The following UNC5C variants were observed in gnomAD, a reference collection of about 807,000 sequenced individuals.
The protein encoded by UNC5C is unc-5 netrin receptor C.
In UNC5C, 47 loss-of-function variants were observed where a neutral mutation model predicts 99.8. The observed-to-expected ratio is 0.47, with a 90% CI of 0.37 to 0.60. UNC5C has a LOEUF of 0.60. UNC5C is among the 20% of genes least tolerant of loss of function. The probability of loss-of-function intolerance (pLI) is 0.00; values close to 1 mark genes in which losing one functional copy is unlikely to be tolerated. For missense variants in UNC5C, 1,062 were observed against 1,165.9 expected (o/e 0.91, Z 1.30); for synonymous variants, 487 against 452.2 (o/e 1.08, Z -0.98).
intron 1 of UNC5C, among the ~76,000 whole-genome samples, chr4:95,492,985 C>T (rs1213504224): frequency 6.6e-6 from 1 of 151,450 alleles, no homozygotes; most frequent in South Asian, 2.1e-4. Flanking sequence ...ATTCAGACTA[C>T]CCTTTTAAAC....
chr4:95,544,503 T>C (rs1422282942), intron 1 of UNC5C, among the ~76,000 whole-genome samples: 1 of 152,220 alleles, frequency 6.6e-6, no homozygotes, highest in Non-Finnish European at 1.5e-5. Context: ...ATCCAGAAAG[T>C]ACTATACCTG....
chr4:95,272,481 TGTG>T (rs1740697693), intron 4 of UNC5C, among the ~76,000 whole-genome samples: 1 of 152,222 alleles, frequency 6.6e-6, no homozygotes, highest in African/African-American at 2.4e-5. Context: ...TTTCTGGGCT[TGTG>T]GTGATCTCTG....
chr4:95,353,869 CTATTT>C (rs1228334494), intron 1 of UNC5C, among the ~76,000 whole-genome samples: 9 of 151,988 alleles, frequency 5.9e-5, no homozygotes, highest in Non-Finnish European at 7.4e-5. Context: ...AATTAAAAAA[CTATTT>C]TAGTGACTAT....
intron 2 of UNC5C, among the ~76,000 whole-genome samples, chr4:95,303,128 G>T (rs1318482956): frequency 6.6e-6 from 1 of 152,174 alleles, no homozygotes; most frequent in Admixed American, 6.5e-5. Flanking sequence ...AGTGGCATGA[G>T]ATGAAGCTAG....
chr4:95,198,919 T>TAAC (rs1362201664), intron 12 of UNC5C, among the ~76,000 whole-genome samples: 1 of 152,164 alleles, frequency 6.6e-6, no homozygotes, highest in East Asian at 1.9e-4. Flanking sequence ...TAATAGCTCT[T>TAAC]AACTTTGGTG....
chr4:95,521,472 C>A lies in UNC5C; in HGVS notation c.124+27262G>T, dbSNP rs188579543. Among the ~76,000 whole-genome samples the A allele has an allele frequency of 6.4e-3, 974 of 152,136 alleles. 11 individuals are homozygous for A. The highest frequency in any genetic ancestry group is 0.022 in the African/African-American group (908 of 41,512). On this transcript the variant is annotated intron_variant, in intron 1 of 15. Coordinates refer to ENST00000453304, the MANE Select transcript of UNC5C (RefSeq NM_003728.4). ...ACCTCAGGTGATCCACCTGGCTCGG[C>A]CTCCCAAAGTGCTGGGATTACAGGC...
At position 95,278,242 on chromosome 4, in the gene UNC5C, G is replaced by A. The variant is rs753892411; in HGVS notation, c.594+17C>T. The A allele has an allele frequency of 6.2e-7, 1 of 1,602,208 alleles. No homozygotes were observed. Among genetic ancestry groups the A allele is most frequent in the Admixed American group, 1.7e-5 (1 of 59,976 alleles). On this transcript the variant is annotated intron_variant, in intron 4 of 15. Coordinates refer to ENST00000453304, the MANE Select transcript of UNC5C (RefSeq NM_003728.4). Reference sequence around the variant, plus strand: ...CTTAGTGCCAATTGCTAAATGCAAAGAATTGTTGTTATTCACCTCAGCCAC... The same window carrying A: ...CTTAGTGCCAATTGCTAAATGCAAAAAATTGTTGTTATTCACCTCAGCCAC...
At chr4:95,362,393 G>A (rs1282911201) in intron 1 of UNC5C, among the ~76,000 whole-genome samples, 1 of 152,096 alleles carries the variant, frequency 6.6e-6, no homozygotes, top group East Asian at 1.9e-4. Context: ...CTGTTAGTAT[G>A]ACGCTGTTCA....
chr4:95,502,888 A>G (rs1432583872), intron 1 of UNC5C, among the ~76,000 whole-genome samples: 1 of 152,186 alleles, frequency 6.6e-6, no homozygotes, highest in Non-Finnish European at 1.5e-5. Context: ...CACAGATATC[A>G]CATCCAAGAT....
chr4:95,167,590 C>G lies in UNC5C; in HGVS notation c.*1644G>C, dbSNP rs1007901703. ...AAGATGCCAAGACAATAATAAAAAA[C>G]AGAATTTGCAACCAGTCAGGAAGGC... On this transcript the variant is annotated 3_prime_UTR_variant, in exon 16 of 16. Transcript: ENST00000453304. 1.2e-4 allele frequency: 19 copies of G among 152,146 alleles called. No individual in the cohort carries two copies. Among genetic ancestry groups the G allele is most frequent in the African/African-American group, 4.6e-4 (19 of 41,422 alleles). The allele number at this position is 152,146 out of a possible 1,614,324, so 9.4% of individuals were successfully genotyped here.
chr4:95,327,593 A>G (rs576661230), intron 2 of UNC5C, among the ~76,000 whole-genome samples: 2 of 152,094 alleles, frequency 1.3e-5, no homozygotes, highest in Admixed American at 6.6e-5. Flanking sequence ...TCTAAATTTT[A>G]TCTCAGAGAG....
intron 1 of UNC5C, among the ~76,000 whole-genome samples, chr4:95,346,744 T>C (rs1219457895): frequency 2.0e-5 from 3 of 151,832 alleles, no homozygotes; most frequent in Non-Finnish European, 2.9e-5. Flanking sequence ...TAAAACAAAC[T>C]GAGTATAGAG....
chr4:95,367,406 T>C (rs1336283412), intron 1 of UNC5C, among the ~76,000 whole-genome samples: 3 of 152,056 alleles, frequency 2.0e-5, no homozygotes, highest in African/African-American at 7.2e-5. Flanking sequence ...TTCAAACTCC[T>C]GGTCTCAAGT....
At chr4:95,371,565 TGA>T (rs1379289832) in intron 1 of UNC5C, among the ~76,000 whole-genome samples, 6 of 152,272 alleles carry the variant, frequency 3.9e-5, no homozygotes, top group Middle Eastern at 3.4e-3. Flanking sequence ...AGTACCTGTG[TGA>T]ATTTGGATGA....
chr4:95,507,841 G>A (rs7699716), intron 1 of UNC5C, among the ~76,000 whole-genome samples: 137,193 of 152,044 alleles, frequency 0.9, 61,980 homozygotes, highest in Non-Finnish European at 0.92. Context: ...TAATTTCTCT[G>A]TCATCTTGTT....
chr4:95,205,871 C>T (rs1405684125), intron 11 of UNC5C, among the ~76,000 whole-genome samples: 1 of 152,108 alleles, frequency 6.6e-6, no homozygotes, highest in East Asian at 1.9e-4. Context: ...TGGAGACACA[C>T]CCTTTCTGTT....
At position 95,542,540 on chromosome 4, in the gene UNC5C, T is replaced by C. The variant is rs116650070; in HGVS notation, c.124+6194A>G. ...TACTCCATGTAGAAGGGGAGGTATG[T>C]TTTAAATACTTATAAAATCTGGAAA... On this transcript the variant is annotated intron_variant, in intron 1 of 15. Coordinates refer to ENST00000453304, the MANE Select transcript of UNC5C (RefSeq NM_003728.4). Among the ~76,000 whole-genome samples, 759 of 152,294 alleles carry C rather than the reference T, an allele frequency of 5.0e-3. 9 individuals are homozygous for C. The highest frequency in any genetic ancestry group is 0.018 in the African/African-American group (733 of 41,576).
At chr4:95,347,514 A>G (rs1299834242) in intron 1 of UNC5C, among the ~76,000 whole-genome samples, 2 of 152,174 alleles carry the variant, frequency 1.3e-5, no homozygotes, top group Non-Finnish European at 2.9e-5. Flanking sequence ...ATTATACTAT[A>G]GAGCTATAGT....
At chr4:95,191,612 T>C (rs1266816430) in intron 12 of UNC5C, among the ~76,000 whole-genome samples, 3 of 149,572 alleles carry the variant, frequency 2.0e-5, no homozygotes, top group Non-Finnish European at 4.5e-5. Context: ...CCTCCTTCCC[T>C]GCTCGCACTC....
Sources: gnomAD v4.1 joint callset for allele counts (sites outside exome capture counted in the v4.1 genomes callset) on GRCh38, gnomAD v4.1.1 for gene constraint, MANE v1.5 for transcripts, NCBI Gene and HGNC (gene_info 2026-07-23, HGNC 2026-07-21) for gene names.